The following VTI1A variants were observed in gnomAD, a reference collection of about 807,000 sequenced individuals.
The protein encoded by VTI1A is vesicle transport through interaction with t-SNAREs homolog 1A.
Under a neutral mutation model 34.9 loss-of-function variants are expected in VTI1A, and 22 were observed. The ratio of observed to expected loss-of-function variants is 0.63; its 90% CI spans 0.45 to 0.90. The LOEUF is 0.90. VTI1A is among the 40% of genes least tolerant of loss of function. VTI1A has a pLI of 0.00. For synonymous variants in VTI1A, 87 were observed against 97.3 expected (o/e 0.89, Z 0.62); for missense variants, 268 against 275.6 (o/e 0.97, Z 0.20).
At chr10:112,517,261 T>G (rs1158862300) in intron 3 of VTI1A, among the ~76,000 whole-genome samples, 1 of 151,856 alleles carries the variant, frequency 6.6e-6, no homozygotes, top group Non-Finnish European at 1.5e-5. Context: ...TATCAAGAGG[T>G]CAGACCTGAA....
At chr10:112,685,937 C>T (rs926363323) in intron 7 of VTI1A, among the ~76,000 whole-genome samples, 1 of 152,106 alleles carries the variant, frequency 6.6e-6, no homozygotes, top group African/African-American at 2.4e-5. Context: ...ACCCTGCCAC[C>T]ACCACAAAAA....
At chr10:112,557,265 A>G (rs1297920196) in intron 5 of VTI1A, among the ~76,000 whole-genome samples, 1 of 152,162 alleles carries the variant, frequency 6.6e-6, no homozygotes, top group African/African-American at 2.4e-5. Context: ...TATTCCAGAA[A>G]TTTTTAAAAA....
chr10:112,732,673 C>T (rs754209271), intron 7 of VTI1A, among the ~76,000 whole-genome samples: 2 of 152,132 alleles, frequency 1.3e-5, no homozygotes, highest in Non-Finnish European at 2.9e-5. Context: ...ATTACTGGGC[C>T]TTTCACACTG....
intron 1 of VTI1A, among the ~76,000 whole-genome samples, chr10:112,455,826 A>G (rs1213210616): frequency 6.6e-6 from 1 of 152,112 alleles, no homozygotes; most frequent in Non-Finnish European, 1.5e-5. Flanking sequence ...GAATTTTATG[A>G]AAAGAAAATG....
At chr10:112,824,405 G>A in the VTI1A span, 2 of 152,374 alleles carry the variant, frequency 1.3e-5, no homozygotes, top group East Asian at 1.9e-4. Context: ...GTGAAACCCT[G>A]TCTCTACAAA....
intron 7 of VTI1A, among the ~76,000 whole-genome samples, chr10:112,722,524 A>C (rs1480739131): frequency 6.6e-6 from 1 of 152,158 alleles, no homozygotes; most frequent in African/African-American, 2.4e-5. Flanking sequence ...AAAAAATTAA[A>C]CATTTTTAAA....
chr10:112,538,299 A>G lies in VTI1A; in HGVS notation c.396A>G (p.Leu132=), dbSNP rs1564818235. Residue 132 remains leucine, a synonymous_variant, in exon 5 of 8, where the codon CTA becomes CTG. Coordinates refer to ENST00000393077, the MANE Select transcript of VTI1A (RefSeq NM_145206.4). ...GGCTGGAAAGGTCATCTCGGAGACT[A>G]GAGGCTGGATACCAAATAGCAGTGG... The part of the protein sequence containing the change: ...TERLERSSRR[L]EAGYQIAVET... 3.1e-6 allele frequency: 5 copies of G among 1,613,584 alleles called. No homozygotes were observed. Among genetic ancestry groups the G allele is most frequent in the East Asian group, 2.2e-5 (1 of 44,866 alleles).
At chr10:112,570,018 C>T (rs1852059726) in intron 5 of VTI1A, among the ~76,000 whole-genome samples, 1 of 152,198 alleles carries the variant, frequency 6.6e-6, no homozygotes, top group Non-Finnish European at 1.5e-5. Flanking sequence ...CATTTTGGTG[C>T]TCAGACCCTC....
intron 7 of VTI1A, among the ~76,000 whole-genome samples, chr10:112,724,520 T>G (rs2133945920): frequency 6.6e-6 from 1 of 152,222 alleles, no homozygotes; most frequent in South Asian, 2.1e-4. Context: ...ATCAGAAAGC[T>G]GCCCTGACCT....
intron 4 of VTI1A, among the ~76,000 whole-genome samples, chr10:112,532,322 A>G (rs1408944336): frequency 2.0e-5 from 3 of 152,214 alleles, no homozygotes; most frequent in Admixed American, 6.5e-5. Flanking sequence ...ATTGACCTGC[A>G]TATGTCAAGT....
At chr10:112,517,906 G>A (rs1207926156) in intron 3 of VTI1A, among the ~76,000 whole-genome samples, 5 of 151,738 alleles carry the variant, frequency 3.3e-5, no homozygotes, top group African/African-American at 1.2e-4. Flanking sequence ...ATGAACGTTA[G>A]GTAAAAGCTA....
intron 7 of VTI1A, among the ~76,000 whole-genome samples, chr10:112,740,024 C>T (rs971844874): frequency 1.3e-5 from 2 of 152,146 alleles, no homozygotes; most frequent in Non-Finnish European, 2.9e-5. Context: ...AACAATAACA[C>T]AAAAATTTGC....
chr10:112,764,437 A>G (rs1258470802), intron 7 of VTI1A, among the ~76,000 whole-genome samples: 2 of 152,164 alleles, frequency 1.3e-5, no homozygotes, highest in East Asian at 1.9e-4. Context: ...TCGCCTTCCT[A>G]GTTATATTTT....
At chr10:112,814,568 C>G (rs367667632) in intron 7 of VTI1A, among the ~76,000 whole-genome samples, 1 of 152,138 alleles carries the variant, frequency 6.6e-6, no homozygotes, top group Non-Finnish European at 1.5e-5. Context: ...GTTGCTGGTT[C>G]CCCATCAGCG....
At chr10:112,849,429 C>T in the VTI1A span, among the ~76,000 whole-genome samples, 1 of 152,160 alleles carries the variant, frequency 6.6e-6, no homozygotes, top group Non-Finnish European at 1.5e-5. Context: ...GAGCCTGGGG[C>T]AACCTCGCTC....
intron 7 of VTI1A, among the ~76,000 whole-genome samples, chr10:112,740,371 C>T (rs984659815): frequency 6.6e-6 from 1 of 152,166 alleles, no homozygotes; most frequent in Non-Finnish European, 1.5e-5. Flanking sequence ...CACACTGCAA[C>T]CTCCGCCTCC....
intron 7 of VTI1A, among the ~76,000 whole-genome samples, chr10:112,725,674 A>G (rs758491223): frequency 2.8e-4 from 43 of 152,354 alleles, no homozygotes; most frequent in Middle Eastern, 3.4e-3. Context: ...ATCATCAACT[A>G]TTTGGTTACT....
At chr10:112,503,548 T>G (rs147346246) in intron 3 of VTI1A, among the ~76,000 whole-genome samples, 60 of 152,350 alleles carry the variant, frequency 3.9e-4, no homozygotes, top group African/African-American at 1.4e-3. Context: ...TAGTGAAATC[T>G]AAAATTAAAA....
chr10:112,514,923 A>T (rs1177408270), intron 3 of VTI1A, among the ~76,000 whole-genome samples: 1 of 152,072 alleles, frequency 6.6e-6, no homozygotes, highest in African/African-American at 2.4e-5. Flanking sequence ...GAGTCTTGAC[A>T]TAAGTCCCTG....
Sources: gnomAD v4.1 joint callset for allele counts (sites outside exome capture counted in the v4.1 genomes callset) on GRCh38, gnomAD v4.1.1 for gene constraint, MANE v1.5 for transcripts, NCBI Gene and HGNC (gene_info 2026-07-23, HGNC 2026-07-21) for gene names.